The following ARID1B variants were observed in gnomAD, a reference collection of about 807,000 sequenced individuals.
ARID1B encodes AT-rich interactive domain-containing protein 1B.
In ARID1B, 30 loss-of-function variants were observed where a neutral mutation model predicts 212.3. The observed-to-expected ratio is 0.14, with a 90% CI of 0.11 to 0.19. The LOEUF (loss-of-function observed/expected upper bound fraction) is 0.19, where lower values mean the gene tolerates loss of function less well. Among genes scored for constraint, ARID1B ranks in the 10% least tolerant of loss-of-function variants. The probability of loss-of-function intolerance (pLI) is 1.00; values close to 1 mark genes in which losing one functional copy is unlikely to be tolerated. For missense variants in ARID1B, 2,891 were observed against 3,204.0 expected (o/e 0.90, Z 2.36); for synonymous variants, 1,402 against 1,301.7 (o/e 1.08, Z -1.66).
chr6:157,118,027 A>G (rs989992930), intron 6 of ARID1B, among the ~76,000 whole-genome samples: 1 of 152,204 alleles, frequency 6.6e-6, no homozygotes, highest in Non-Finnish European at 1.5e-5. Flanking sequence ...GCATTTAGAT[A>G]GAAATATGTA....
intron 4 of ARID1B, among the ~76,000 whole-genome samples, chr6:156,984,429 G>A (rs899624696): frequency 3.9e-5 from 6 of 152,190 alleles, no homozygotes; most frequent in African/African-American, 1.2e-4. Context: ...AAAAAAGGGC[G>A]TTCTGGATAA....
chr6:156,934,912 T>TTATATATATATATA (rs201495355), intron 3 of ARID1B, among the ~76,000 whole-genome samples: 2 of 52,692 alleles, frequency 3.8e-5, no homozygotes, highest in Non-Finnish European at 3.5e-5. Context: ...TAGTTGTTAA[T>TTATATATATATATA]TATATATATA....
At chr6:157,114,886 A>C (rs1348539380) in intron 6 of ARID1B, among the ~76,000 whole-genome samples, 1 of 152,164 alleles carries the variant, frequency 6.6e-6, no homozygotes, top group Admixed American at 6.5e-5. Context: ...GATGCTGGCA[A>C]CACTGCCTTG....
chr6:156,906,546 CAAAAAAAAAAAAAAAAAAA>C (rs55660810), intron 3 of ARID1B, among the ~76,000 whole-genome samples: 4 of 39,670 alleles, frequency 1.0e-4, no homozygotes, highest in Non-Finnish European at 1.5e-4. Context: ...ACTCCATCTC[CAAAAAAAAAAAAAAAAAAA>C]AAAAAAAAAA....
chr6:156,777,224 C>G (rs924281389), upstream of ARID1B: 27 of 151,308 alleles, frequency 1.8e-4, no homozygotes, highest in East Asian at 4.7e-3. Flanking sequence ...CCGGCCCCGG[C>G]CCCAGCCTTA....
At position 157,039,802 on chromosome 6, in the gene ARID1B, TTC is replaced by T. The variant is rs530119764; in HGVS notation, c.2248-44856_2248-44855del. Among the ~76,000 whole-genome samples the T allele has an allele frequency of 7.2e-3, 1,016 of 141,282 alleles. 26 individuals are homozygous for T. Among genetic ancestry groups the T allele is most frequent in the African/African-American group, 0.024 (862 of 36,326 alleles). The allele number at this position is 141,282 out of a possible 152,430, so 92.7% of individuals were successfully genotyped here. ...CTTCCTTCCTTCCTTCCTTCTTTCT[TTC>T]TCTTTCTTTCTTTTTCTCTCTTTCT... On this transcript the variant is annotated intron_variant, in intron 4 of 19. Transcript: ENST00000636930.
At chr6:156,797,564 G>A (rs540906242) in intron 1 of ARID1B, among the ~76,000 whole-genome samples, 2 of 152,274 alleles carry the variant, frequency 1.3e-5, no homozygotes, top group East Asian at 1.9e-4. Context: ...CCTTGCAAGC[G>A]CAAGGTTCTT....
intron 3 of ARID1B, among the ~76,000 whole-genome samples, chr6:156,902,350 G>A (rs1215660273): frequency 6.6e-6 from 1 of 152,072 alleles, no homozygotes; most frequent in Non-Finnish European, 1.5e-5. Flanking sequence ...CTTCTCTTTT[G>A]TGTGGTGGAG....
chr6:156,915,490 C>T (rs1316571628), intron 3 of ARID1B, among the ~76,000 whole-genome samples: 1 of 152,004 alleles, frequency 6.6e-6, no homozygotes, highest in Admixed American at 6.6e-5. Flanking sequence ...ATCGCTTGAA[C>T]CCAGGAGGCA....
At chr6:156,909,404 G>A (rs994087386) in intron 3 of ARID1B, among the ~76,000 whole-genome samples, 4 of 152,090 alleles carry the variant, frequency 2.6e-5, no homozygotes, top group Non-Finnish European at 4.4e-5. Context: ...AATTACAGGC[G>A]TGAGTCACCG....
In ARID1B at chr6:156,778,417, A is replaced by G. The variant is rs2114973852; in HGVS notation, c.737A>G (p.Lys246Arg). 1 of 1,527,578 alleles carries G rather than the reference A, an allele frequency of 6.5e-7. No individual in the cohort carries two copies. Among genetic ancestry groups the G allele is most frequent in the Non-Finnish European group, 8.8e-7 (1 of 1,142,190 alleles). 94.6% of individuals were successfully genotyped at this position (1,527,578 alleles called of 1,614,324 possible). A position where few individuals can be genotyped will look rare whatever the true frequency, so the allele number is the denominator to read the frequency against. The part of the protein sequence containing the change: ...DMEQPQHGGA[K>R]DSAAGGQADP... ...GAGCAGCCGCAACATGGAGGCGCCAAGGACAGTGCTGCGGGCGGCCAGGCC... is the reference window on the plus strand; with the variant it reads ...GAGCAGCCGCAACATGGAGGCGCCAGGGACAGTGCTGCGGGCGGCCAGGCC... The change falls in exon 1 of 20, where the codon AAG (lysine) becomes AGG (arginine). Residue 246 changes from lysine (K) to arginine (R), a missense_variant. By Grantham distance (26) the Lys-to-Arg change is conservative. Around this residue, in one of 7 missense-constraint regions of ARID1B, gnomAD observed 1,643 missense variants for 1,544.0 expected, o/e 1.06. Coordinates refer to ENST00000636930, the MANE Select transcript of ARID1B (RefSeq NM_001374828.1).
In ARID1B at chr6:156,813,406, C is replaced by T. The variant is rs1041967410; in HGVS notation, c.1792-15821C>T. On this transcript the variant is annotated intron_variant, in intron 1 of 19. Coordinates refer to ENST00000636930, the MANE Select transcript of ARID1B (RefSeq NM_001374828.1). ...AGGATTACAGGCGCGAGCCATTGCG[C>T]TCAGGCTATCCTGGGTGTGTATTTT... Among the ~76,000 whole-genome samples, 6 of 151,918 alleles carry T rather than the reference C, an allele frequency of 3.9e-5. No homozygotes were observed. In the East Asian group the frequency reaches 1.2e-3, roughly 29 times the overall value.
At position 157,039,880 on chromosome 6, in the gene ARID1B, T is replaced by TCC. The variant is rs1562570090; in HGVS notation, c.2248-44781_2248-44780insCC. On this transcript the variant is annotated intron_variant, in intron 4 of 19. Coordinates refer to ENST00000636930, the MANE Select transcript of ARID1B (RefSeq NM_001374828.1). ...TCTTTCTCTCTCTTTCTCTTTCTTTTCTCTTCCTTCCTTCCTTCCTTCCTT... is the reference window on the plus strand; with the variant it reads ...TCTTTCTCTCTCTTTCTCTTTCTTTTCCCTCTTCCTTCCTTCCTTCCTTCCTT... Among the ~76,000 whole-genome samples, 461 of 110,076 alleles carry TCC rather than the reference T, an allele frequency of 4.2e-3. 4 individuals carry two copies. The highest frequency in any genetic ancestry group is 0.016 in the African/African-American group (440 of 27,834). The allele number at this position is 110,076 out of a possible 152,430, so 72.2% of individuals were successfully genotyped here. A position where few individuals can be genotyped will look rare whatever the true frequency, so the allele number is the denominator to read the frequency against.
intron 1 of ARID1B, among the ~76,000 whole-genome samples, chr6:156,822,271 G>A (rs1382576664): frequency 2.0e-5 from 3 of 152,198 alleles, no homozygotes; most frequent in African/African-American, 7.2e-5. Context: ...AAGTTCCAAC[G>A]TGTTAGTTCA....
At chr6:157,142,568 G>A (rs867340591) in intron 7 of ARID1B, among the ~76,000 whole-genome samples, 7 of 152,270 alleles carry the variant, frequency 4.6e-5, no homozygotes, top group Middle Eastern at 3.4e-3. Flanking sequence ...AGAGGTTGCA[G>A]TGAGCCGGGA....
At chr6:156,876,616 G>A (rs577190072) in intron 2 of ARID1B, among the ~76,000 whole-genome samples, 56 of 152,322 alleles carry the variant, frequency 3.7e-4, no homozygotes, top group African/African-American at 1.3e-3. Flanking sequence ...TATCCTTGGT[G>A]TTTTTCCCTC....
chr6:157,062,292 G>C (rs188144077), intron 4 of ARID1B, among the ~76,000 whole-genome samples: 7 of 152,000 alleles, frequency 4.6e-5, no homozygotes, highest in South Asian at 2.1e-4. Flanking sequence ...CAACTGCTGG[G>C]CTCAAGCAGT....
At chr6:156,914,099 A>C (rs1582937717) in intron 3 of ARID1B, among the ~76,000 whole-genome samples, 2 of 61,776 alleles carry the variant, frequency 3.2e-5, no homozygotes, top group Non-Finnish European at 6.4e-5. Flanking sequence ...TCCACTCCCC[A>C]ACTCCCAGCC....
chr6:157,083,199 T>A (rs1784743826), intron 4 of ARID1B, among the ~76,000 whole-genome samples: 1 of 152,218 alleles, frequency 6.6e-6, no homozygotes, highest in South Asian at 2.1e-4. Flanking sequence ...GAGGTAAAAT[T>A]TAACATTGAT....
Sources: gnomAD v4.1 joint callset for allele counts (sites outside exome capture counted in the v4.1 genomes callset) on GRCh38, gnomAD v4.1.1 for gene constraint, gnomAD v4.1.1 regional missense constraint, MANE v1.5 for transcripts, NCBI Gene and HGNC (gene_info 2026-07-23, HGNC 2026-07-21) for gene names.